The following P2RY12 variants were observed in gnomAD, a reference collection of about 807,000 sequenced individuals.
P2RY12 encodes purinergic receptor P2Y12, also known as P2Y purinoceptor 12.
In P2RY12, 3 loss-of-function variants were observed where a neutral mutation model predicts 4.5. The observed-to-expected ratio is 0.67, with a 90% CI of 0.31 to 1.74. P2RY12 has a LOEUF of 1.74. Among genes scored for constraint, P2RY12 ranks in the 40% most tolerant of loss-of-function variants. The probability of loss-of-function intolerance (pLI) is 0.09; values close to 1 mark genes in which losing one functional copy is unlikely to be tolerated. For missense variants in P2RY12, 356 were observed against 407.8 expected (o/e 0.87, Z 1.09); for synonymous variants, 148 against 154.1 (o/e 0.96, Z 0.29).
In P2RY12 at chr3:151,338,541, A is replaced by G; in HGVS notation, c.305T>C (p.Val102Ala). The change falls in exon 3 of 3, where the codon GTC (valine) becomes GCC (alanine). Residue 102 changes from valine to alanine, a missense_variant. Val to Ala is a moderately conservative substitution (Grantham distance 64, BLOSUM62 0). Coordinates refer to ENST00000302632, the MANE Select transcript of P2RY12 (RefSeq NM_022788.5). ...GATATACATTGTGAAATAAAATATG[A>G]CGGAGGTAACTTGACACACAAAAGT... ...LRTFVCQVTS[V>A]IFYFTMYISI... 1 of 1,613,914 alleles carries G rather than the reference A, an allele frequency of 6.2e-7. No individual in the cohort carries two copies. Among genetic ancestry groups the G allele is most frequent in the Non-Finnish European group, 8.5e-7 (1 of 1,179,954 alleles).
intron 1 of P2RY12, among the ~76,000 whole-genome samples, chr3:151,360,111 G>A (rs775865839): frequency 2.0e-5 from 3 of 152,092 alleles, no homozygotes; most frequent in Non-Finnish European, 4.4e-5. Flanking sequence ...ATCTTTGCAC[G>A]CTGATGGAAT....
chr3:151,375,302 G>A (rs1048571510), intron 1 of P2RY12, among the ~76,000 whole-genome samples: 12 of 152,150 alleles, frequency 7.9e-5, no homozygotes, highest in Admixed American at 3.3e-4. Flanking sequence ...GACTTCACCC[G>A]AAATAGATCT....
chr3:151,369,459 T>C, intron 1 of P2RY12: 1 of 1,608,142 alleles, frequency 6.2e-7, no homozygotes, highest in Non-Finnish European at 8.5e-7. Flanking sequence ...TGGAATAAGA[T>C]CATCTTGTGA....
chr3:151,378,005 A>T lies in P2RY12; in HGVS notation c.-180+6687T>A. ...TTCTCCGGTGTAACACCTGTTTCTGATTTTAGTTCCTCCGAACGCAGGGGT... is the reference window on the plus strand; with the variant it reads ...TTCTCCGGTGTAACACCTGTTTCTGTTTTTAGTTCCTCCGAACGCAGGGGT... On this transcript the variant is annotated intron_variant, in intron 1 of 2. Coordinates refer to ENST00000302632, the MANE Select transcript of P2RY12 (RefSeq NM_022788.5). 3.8e-6 allele frequency: 6 copies of T among 1,586,192 alleles called. No homozygotes were observed. In the East Asian group the frequency reaches 6.9e-5, roughly 18 times the overall value.
chr3:151,344,138 T>G (rs1185889545), intron 1 of P2RY12, among the ~76,000 whole-genome samples: 1 of 151,964 alleles, frequency 6.6e-6, no homozygotes, highest in Non-Finnish European at 1.5e-5. Flanking sequence ...GACATCCCAG[T>G]CTTAAGTGTT....
chr3:151,384,236 C>G, intron 1 of P2RY12: 1 of 1,587,924 alleles, frequency 6.3e-7, no homozygotes, highest in South Asian at 1.2e-5. Context: ...TGAGATCAGC[C>G]TGTATTATGA....
intron 1 of P2RY12, among the ~76,000 whole-genome samples, chr3:151,356,961 C>T (rs1754005702): frequency 6.6e-6 from 1 of 152,018 alleles, no homozygotes; most frequent in South Asian, 2.1e-4. Context: ...TTATACAGTC[C>T]AGGACCTTGC....
intron 1 of P2RY12, chr3:151,383,645 G>T: frequency 1.7e-6 from 1 of 595,880 alleles, no homozygotes; most frequent in Non-Finnish European, 3.0e-6. Flanking sequence ...AAAGAGAAAA[G>T]ATAAGGTAAT....
At chr3:151,343,777 TCTACTAAAGG>T (rs1752189162) in intron 1 of P2RY12, among the ~76,000 whole-genome samples, 1 of 152,112 alleles carries the variant, frequency 6.6e-6, no homozygotes, top group Non-Finnish European at 1.5e-5. Flanking sequence ...TTTTACCAAG[TCTACTAAAGG>T]TAGTCTGCTC....
Position 151,338,440 on chromosome 3 carries a change from T to G in P2RY12, c.406A>C (p.Lys136Gln). The change falls in exon 3 of 3, where the codon AAA (lysine) becomes CAA (glutamine). Residue 136 changes from lysine (K) to glutamine (Q), a missense_variant. By Grantham distance (53) the Lys-to-Gln change is moderately conservative (BLOSUM62 1). Coordinates refer to ENST00000302632, the MANE Select transcript of P2RY12 (RefSeq NM_022788.5). ...AGAATCTTAGCCCCCAAGAGATTTTTGGGGTTGGATGTTTTAAATGGCCTG... is the reference window on the plus strand; with the variant it reads ...AGAATCTTAGCCCCCAAGAGATTTTGGGGGTTGGATGTTTTAAATGGCCTG... Reference protein sequence around the residue: ...TTRPFKTSNPKNLLGAKILSV... With the variant: ...TTRPFKTSNPQNLLGAKILSV... 1 of 1,614,034 alleles carries G rather than the reference T, an allele frequency of 6.2e-7. No individual in the cohort carries two copies. Among genetic ancestry groups the G allele is most frequent in the Non-Finnish European group, 8.5e-7 (1 of 1,180,004 alleles).
chr3:151,364,280 T>G (rs1268370839), intron 1 of P2RY12, among the ~76,000 whole-genome samples: 1 of 152,220 alleles, frequency 6.6e-6, no homozygotes, highest in East Asian at 1.9e-4. Context: ...TATATCTGAT[T>G]CAGACGTAAC....
intron 1 of P2RY12, among the ~76,000 whole-genome samples, chr3:151,347,485 CTT>C (rs1270565711): frequency 1.5e-4 from 23 of 152,324 alleles, no homozygotes; most frequent in Admixed American, 5.2e-4. Context: ...CCAAAGTCTA[CTT>C]CCCCTCCTTC....
intron 1 of P2RY12, chr3:151,366,011 T>C: frequency 6.5e-7 from 1 of 1,532,330 alleles, no homozygotes; most frequent in Admixed American, 2.1e-5. Flanking sequence ...CTTTTTCATT[T>C]AAAAATTGAA....
At chr3:151,381,493 G>A (rs955906725) in intron 1 of P2RY12, among the ~76,000 whole-genome samples, 25 of 152,156 alleles carry the variant, frequency 1.6e-4, no homozygotes, top group African/African-American at 5.6e-4. Flanking sequence ...CCATGTTACT[G>A]TTCTTGAACT....
At chr3:151,360,757 T>C in intron 1 of P2RY12, 2 of 680,376 alleles carry the variant, frequency 2.9e-6, no homozygotes, top group East Asian at 2.7e-5. Flanking sequence ...TTGTTTAAAC[T>C]GAATATTAAA....
At chr3:151,375,960 G>A in intron 1 of P2RY12, 1 of 640,772 alleles carries the variant, frequency 1.6e-6, no homozygotes, top group South Asian at 4.2e-5. Context: ...TGTGGATTTA[G>A]TACATATTGC....
intron 1 of P2RY12, among the ~76,000 whole-genome samples, chr3:151,380,482 A>T (rs970066694): frequency 1.3e-5 from 2 of 151,810 alleles, no homozygotes; most frequent in African/African-American, 4.8e-5. Flanking sequence ...CTATGATCCC[A>T]GCTACTCGGG....
chr3:151,338,637 T>C lies in P2RY12; in HGVS notation c.209A>G (p.Asp70Gly). ...TGGAAAAGTCAGAATCATGAGAAGATCAGAAATGACTGTGTTCTTAAGAAA... is the reference window on the plus strand; with the variant it reads ...TGGAAAAGTCAGAATCATGAGAAGACCAGAAATGACTGTGTTCTTAAGAAA... Reference protein sequence around the residue: ...IIFLKNTVISDLLMILTFPFK... With the variant: ...IIFLKNTVISGLLMILTFPFK... The change falls in exon 3 of 3, where the codon GAT (aspartate) becomes GGT (glycine). Residue 70 changes from aspartate (D) to glycine (G), a missense_variant. Transcript: ENST00000302632. 1 of 1,613,924 alleles carries C rather than the reference T, an allele frequency of 6.2e-7. No homozygotes were observed. The highest frequency in any genetic ancestry group is 8.5e-7 in the Non-Finnish European group (1 of 1,179,922).
In P2RY12 at chr3:151,368,676, TGTCA is replaced by T. The variant is rs1560087387; in HGVS notation, c.-180+16012_-180+16015del. On this transcript the variant is annotated intron_variant, in intron 1 of 2. Transcript: ENST00000302632. Reference sequence around the variant, plus strand: ...TTTCATTTCATTTCATTTCATTTCATGTCATTTCATTTTATTTCATTTCATTTCA... The same window carrying T: ...TTTCATTTCATTTCATTTCATTTCATTTTCATTTTATTTCATTTCATTTCA... 7.5e-3 allele frequency among the ~76,000 whole-genome samples: 568 copies of T among 75,976 alleles called. 6 individuals are homozygous for T. The highest frequency in any genetic ancestry group is 0.011 in the Non-Finnish European group (407 of 38,524). The allele number at this position is 75,976 out of a possible 152,430, so 49.8% of individuals were successfully genotyped here. A position where few individuals can be genotyped will look rare whatever the true frequency, so the allele number is the denominator to read the frequency against.
Sources: allele counts gnomAD v4.1 joint callset (sites outside exome capture counted in the v4.1 genomes callset), GRCh38; gene constraint gnomAD v4.1.1; transcripts MANE v1.5; gene names NCBI Gene and HGNC (gene_info 2026-07-23, HGNC 2026-07-21).